BRWD1: variants seen among roughly 807,000 people sequenced by gnomAD.
The protein encoded by BRWD1 is bromodomain and WD repeat-containing protein 1.
Under a neutral mutation model 251.2 loss-of-function variants are expected in BRWD1, and 82 were observed. The ratio of observed to expected loss-of-function variants is 0.33; its 90% confidence interval spans 0.27 to 0.39. The LOEUF is 0.39. Among genes scored for constraint, BRWD1 ranks in the 10% least tolerant of loss-of-function variants. BRWD1 has a pLI of 1.00. For synonymous variants in BRWD1, 918 were observed against 902.8 expected, an observed-to-expected ratio of 1.02 and a Z score of -0.30; for missense variants, 2,233 against 2,711.6, an observed-to-expected ratio of 0.82 and a Z score of 3.92.
chr21:39,254,971 T>C (rs932941823), intron 19 of BRWD1, among the ~76,000 whole-genome samples: 8 of 152,198 alleles, frequency 5.3e-5, no homozygotes, highest in Admixed American at 2.6e-4. Flanking sequence ...TTTTAAGGTG[T>C]GATAACAGCA....
At chr21:39,278,558 G>C in intron 10 of BRWD1, 185 bp downstream of exon 10, 1 of 529,946 alleles carries the variant, frequency 1.9e-6, no homozygotes, top group Non-Finnish European at 3.4e-6. Context: ...CCAGAAATCA[G>C]AGAAAGGCAG....
rs1357789581 is a variant in BRWD1 at position 39,295,875 on chromosome 21, T to C, written c.477A>G (p.Thr159=). ...ATGCTGTACTAAAAGTGGAACACCCTGTGAGTTGTTTTCCTCGATGTATCT... is the reference window on the plus strand; with the variant it reads ...ATGCTGTACTAAAAGTGGAACACCCCGTGAGTTGTTTTCCTCGATGTATCT... ...LVEIHRGKQL[T]GCSTFSTAFP... is the part of the protein sequence containing the mutation. The change falls in exon 7 of 41, where the codon ACA becomes ACG. Residue 159 remains threonine, a synonymous_variant. Transcript: ENST00000342449. 2 of 1,602,906 alleles carry C rather than the reference T, an allele frequency of 1.2e-6. No individual in the cohort carries two copies. The highest frequency in any genetic ancestry group is 8.5e-7 in the Non-Finnish European group (1 of 1,173,708).
intron 38 of BRWD1, among the ~76,000 whole-genome samples, chr21:39,201,188 G>A (rs527791104): frequency 2.0e-5 from 3 of 152,156 alleles, no homozygotes; most frequent in Non-Finnish European, 2.9e-5. Flanking sequence ...AAGAGTGTGA[G>A]AGGGAAGAAA....
At position 39,194,489 on chromosome 21, in the gene BRWD1, GAGA is replaced by G; in HGVS notation, c.*1767_*1769del. Reference sequence around the variant, plus strand: ...TTACTATCTACTTAACACAAGTTCTGAGAAGAAAAGCATCATAGTTCTGAAATG... The same window carrying G: ...TTACTATCTACTTAACACAAGTTCTGAGAAAAGCATCATAGTTCTGAAATG... On this transcript the variant is annotated 3_prime_UTR_variant, in exon 41 of 41. Transcript: ENST00000342449. The G allele has an allele frequency of 7.1e-7, 1 of 1,408,624 alleles. No homozygotes were observed. Among genetic ancestry groups the G allele is most frequent in the Non-Finnish European group, 9.2e-7 (1 of 1,085,744 alleles). The allele number at this position is 1,408,624 out of a possible 1,614,324, so 87.3% of individuals were successfully genotyped here.
intron 29 of BRWD1, among the ~76,000 whole-genome samples, chr21:39,221,154 TAAAAAAAAAAA>T (rs35879682): frequency 1.8e-5 from 2 of 109,898 alleles, no homozygotes; most frequent in East Asian, 5.1e-4. Flanking sequence ...AACTACATCT[TAAAAAAAAAAA>T]AAAAAAAAAA....
chr21:39,189,731 G>A lies in BRWD1; in HGVS notation c.*6528C>T, dbSNP rs554997708. On this transcript the variant is annotated 3_prime_UTR_variant, in exon 41 of 41. Coordinates refer to ENST00000342449, the MANE Select transcript of BRWD1 (RefSeq NM_033656.4). ...TGTTAATTTTATTACTGAAAACTGA[G>A]TAAATTATAAAGTGCTTTTTCTCAA... is the stretch of plus-strand genomic sequence containing the variant. 1 of 981,590 alleles carries A rather than the reference G, an allele frequency of 1.0e-6. No homozygotes were observed. Among genetic ancestry groups the A allele is most frequent in the Non-Finnish European group, 1.2e-6 (1 of 826,528 alleles). The allele number at this position is 981,590 out of a possible 1,614,324, so 60.8% of individuals were successfully genotyped here. A position where few individuals can be genotyped will look rare whatever the true frequency, so the allele number is the denominator to read the frequency against.
At chr21:39,218,127 A>AT in intron 31 of BRWD1, 25 bp downstream of exon 31, 5 of 1,579,794 alleles carry the variant, frequency 3.2e-6, no homozygotes, top group Non-Finnish European at 4.3e-6. Context: ...CTTTTTAAAC[A>AT]TTTTGAAAGC....
chr21:39,310,497 G>A (rs1192069946), intron 4 of BRWD1, among the ~76,000 whole-genome samples: 1 of 152,142 alleles, frequency 6.6e-6, no homozygotes, highest in Non-Finnish European at 1.5e-5. Flanking sequence ...AAATTAGCCA[G>A]GTGCCTGTAA....
chr21:39,189,851 T>C lies in BRWD1; in HGVS notation c.*6408A>G, dbSNP rs1163724642. The C allele has an allele frequency of 5.1e-6, 5 of 985,282 alleles. No homozygotes were observed. Among genetic ancestry groups the C allele is most frequent in the Non-Finnish European group, 6.0e-6 (5 of 829,904 alleles). The allele number at this position is 985,282 out of a possible 1,614,324, so 61.0% of individuals were successfully genotyped here. A position where few individuals can be genotyped will look rare whatever the true frequency, so the allele number is the denominator to read the frequency against. Reference sequence around the variant, plus strand: ...GGTACAAGCTTAAGAACTCTGGATGTTGCTGCTCTAACAATGCATTTGTGA... The same window carrying C: ...GGTACAAGCTTAAGAACTCTGGATGCTGCTGCTCTAACAATGCATTTGTGA... On this transcript the variant is annotated 3_prime_UTR_variant, in exon 41 of 41. Coordinates refer to ENST00000342449, the MANE Select transcript of BRWD1 (RefSeq NM_033656.4).
rs2836972 is a variant in BRWD1 at position 39,280,216 on chromosome 21, G to A, written c.864C>T (p.Tyr288=). The change falls in exon 9 of 41, where the codon TAC becomes TAT. Residue 288 remains tyrosine (Y), a synonymous_variant. Coordinates refer to ENST00000342449, the MANE Select transcript of BRWD1 (RefSeq NM_033656.4). ...TCCCATCAGCACCAGTGGAAACCAT[G>A]TATCTTTGAGAGCCTTTGGCCATCG... is the stretch of plus-strand genomic sequence containing the variant. ...FSPMAKGSQR[Y]MVSTGADGTV... is the part of the protein sequence containing the mutation. 0.33 allele frequency: 526,024 copies of A among 1,605,572 alleles called. 91,691 individuals carry two copies. Among genetic ancestry groups the A allele is most frequent in the Non-Finnish European group, 0.36 (425,142 of 1,176,324 alleles).
chr21:39,262,648 G>A (rs2034792283), intron 17 of BRWD1, among the ~76,000 whole-genome samples: 1 of 151,908 alleles, frequency 6.6e-6, no homozygotes, highest in African/African-American at 2.4e-5. Context: ...CCGGGTGGCG[G>A]AGGTTGCAGT....
chr21:39,313,641 G>GCCTCCGCGGGGGTGGAAGTAGTC, upstream of BRWD1: 1 of 494,360 alleles, frequency 2.0e-6, no homozygotes, highest in Non-Finnish European at 3.1e-6. Flanking sequence ...CTGGACCGAC[G>GCCTCCGCGGGGGTGGAAGTAGTC]CCTCCGCGGG....
chr21:39,260,529 C>A (rs2034707958), intron 17 of BRWD1, among the ~76,000 whole-genome samples: 1 of 152,176 alleles, frequency 6.6e-6, no homozygotes, highest in African/African-American at 2.4e-5. Context: ...ACAATCGATA[C>A]TGAAATATTG....
At chr21:39,299,772 C>T (rs1568969407) in intron 4 of BRWD1, among the ~76,000 whole-genome samples, 1 of 150,760 alleles carries the variant, frequency 6.6e-6, no homozygotes, top group Non-Finnish European at 1.5e-5. Context: ...GTCAAGAGCT[C>T]GAGACCAGCC....
In BRWD1 at chr21:39,210,939, C is replaced by CATTCACA; in HGVS notation, c.3901-17_3901-11dup. The CATTCACA allele has an allele frequency of 6.2e-7, 1 of 1,607,396 alleles. No homozygotes were observed. The highest frequency in any genetic ancestry group is 8.5e-7 in the Non-Finnish European group (1 of 1,178,226). On this transcript the variant is annotated splice_polypyrimidine_tract_variant and intron_variant, in intron 34 of 40. Coordinates refer to ENST00000342449, the MANE Select transcript of BRWD1 (RefSeq NM_033656.4). ...TTTTCCCATCATGGACCTAAAAATA[C>CATTCACA]ATTCACAGTCTTAAGAAAAATCACA...
intron 29 of BRWD1, among the ~76,000 whole-genome samples, chr21:39,221,761 T>C (rs1275026059): frequency 1.3e-5 from 2 of 151,776 alleles, no homozygotes; most frequent in Non-Finnish European, 2.9e-5. Flanking sequence ...CATGGCAAAA[T>C]AGCTGGGTGG....
chr21:39,313,349 G>C, intron 1 of BRWD1, 50 bp from the exon 2 acceptor site: 5 of 1,496,218 alleles, frequency 3.3e-6, no homozygotes, highest in Non-Finnish European at 4.5e-6. Context: ...AGGGGAGGGG[G>C]ACGGGGCCAG....
At chr21:39,262,031 T>C (rs2034767486) in intron 17 of BRWD1, among the ~76,000 whole-genome samples, 1 of 152,190 alleles carries the variant, frequency 6.6e-6, no homozygotes, top group Admixed American at 6.5e-5. Flanking sequence ...TATATTAATA[T>C]GAAATAAGAC....
chr21:39,244,636 A>G (rs962071478), intron 21 of BRWD1, among the ~76,000 whole-genome samples: 1 of 152,124 alleles, frequency 6.6e-6, no homozygotes, highest in African/African-American at 2.4e-5. Flanking sequence ...ATCAATAATG[A>G]TAATGGCACT....
Sources: allele counts gnomAD v4.1 joint callset (sites outside exome capture counted in the v4.1 genomes callset), GRCh38; gene constraint gnomAD v4.1.1; transcripts MANE v1.5; gene names NCBI Gene and HGNC (gene_info 2026-07-23, HGNC 2026-07-21).